Variants in MSH6 observed in about 807,000 individuals in gnomAD.
The protein encoded by MSH6 is mutS homolog 6.
MSH6 carries 85 observed loss-of-function variants against 119.1 expected under a neutral mutation model. The ratio of observed to expected loss-of-function variants is 0.71; its 90% CI spans 0.60 to 0.85. The LOEUF (loss-of-function observed/expected upper bound fraction) is 0.85, where lower values mean the gene tolerates loss of function less well. Among genes scored for constraint, MSH6 ranks in the 40% least tolerant of loss-of-function variants. MSH6 has a pLI of 0.00. For missense variants in MSH6, 2,163 were observed against 1,655.3 expected (o/e 1.31, Z -5.32); for synonymous variants, 830 against 586.9 (o/e 1.41, Z -5.99).
intron 1 of MSH6, among the ~76,000 whole-genome samples, chr2:47,785,215 C>T (rs1209357918): frequency 6.6e-6 from 1 of 151,598 alleles, no homozygotes; most frequent in African/African-American, 2.4e-5. Context: ...AAGATAAGAG[C>T]CAGTTCGTGT....
intron 9 of MSH6, 34 bp from the exon 10 acceptor site, chr2:47,806,743 CAA>C: frequency 1.4e-6 from 2 of 1,389,274 alleles, no homozygotes; most frequent in Non-Finnish European, 2.0e-6. Flanking sequence ...TATGAAAAAA[CAA>C]AAAAACTTTT....
Position 47,788,906 on chromosome 2 carries a change from C to CTTTTTTTTTTTTTTTTTTTTTTTTTT in MSH6, c.261-2021_261-2020insTTTTTTTTTTTTTTTTTTTTTTTTTT, listed in dbSNP as rs1491155839. On this transcript the variant is annotated intron_variant, in intron 1 of 9. Transcript: ENST00000234420. ...GCTATTTCTTTCTTTCTTTCTTCTT[C>CTTTTTTTTTTTTTTTTTTTTTTTTTT]CTTTTTTTTTTTTTTGTTTTTTTTT... Among the ~76,000 whole-genome samples, 16 of 15,836 alleles carry CTTTTTTTTTTTTTTTTTTTTTTTTTT rather than the reference C, an allele frequency of 1.0e-3. 3 individuals carry two copies. Among genetic ancestry groups the CTTTTTTTTTTTTTTTTTTTTTTTTTT allele is most frequent in the South Asian group, 4.1e-3 (2 of 486 alleles). 10.4% of individuals were successfully genotyped at this position (15,836 alleles called of 152,430 possible).
chr2:47,802,946 C>A (rs3136345), intron 4 of MSH6, among the ~76,000 whole-genome samples: 2 of 152,252 alleles, frequency 1.3e-5, no homozygotes, highest in South Asian at 2.1e-4. Flanking sequence ...CAGAGTCTCT[C>A]TGTCGCCCAG....
chr2:47,793,884 C>A (rs887077865), intron 2 of MSH6, among the ~76,000 whole-genome samples: 12 of 151,786 alleles, frequency 7.9e-5, no homozygotes, highest in Non-Finnish European at 1.6e-4. Flanking sequence ...GCGCCCACCA[C>A]CAGGCCCAGC....
At position 47,785,562 on chromosome 2, in the gene MSH6, C is replaced by CCA. The variant is rs1668301637; in HGVS notation, c.260+2070_260+2071dup. On this transcript the variant is annotated intron_variant, in intron 1 of 9. Coordinates refer to ENST00000234420, the MANE Select transcript of MSH6 (RefSeq NM_000179.3). Reference sequence around the variant, plus strand: ...TAATGGATTTCAAATCCATTTAAATCCAGTTTAAAGTGTCCTAAAGGAATT... The same window carrying CCA: ...TAATGGATTTCAAATCCATTTAAATCCACAGTTTAAAGTGTCCTAAAGGAATT... Among the ~76,000 whole-genome samples the CCA allele has an allele frequency of 2.0e-5, 3 of 152,300 alleles. No homozygotes were observed. In the South Asian group the frequency reaches 6.2e-4, roughly 32 times the overall value.
At position 47,801,090 on chromosome 2, in the gene MSH6, T is replaced by G. The variant is rs748211741; in HGVS notation, c.3107T>G (p.Leu1036Arg). ...TCATTGAAGGACTGCATGCGGCGACTGTTCTATAACTTTGATAAAAATTAC... is the reference window on the plus strand; with the variant it reads ...TCATTGAAGGACTGCATGCGGCGACGGTTCTATAACTTTGATAAAAATTAC... ...DVSLKDCMRRLFYNFDKNYKD... is the reference protein window; with the variant it reads ...DVSLKDCMRRRFYNFDKNYKD... Residue 1036 changes from leucine (L) to arginine (R), a missense_variant, in exon 4 of 10, where the codon CTG (leucine) becomes CGG (arginine). Physicochemically the swap from Leu to Arg is moderately radical, Grantham distance 102. Transcript: ENST00000234420. The G allele has an allele frequency of 2.5e-6, 4 of 1,611,374 alleles. No individual in the cohort carries two copies. Among genetic ancestry groups the G allele is most frequent in the Admixed American group, 1.7e-5 (1 of 59,336 alleles).
intron 1 of MSH6, among the ~76,000 whole-genome samples, chr2:47,787,955 A>T (rs1221756383): frequency 1.3e-5 from 2 of 152,198 alleles, no homozygotes; most frequent in African/African-American, 4.8e-5. Flanking sequence ...ATAAAATTTT[A>T]AAATTACCTT....
chr2:47,806,328 T>A lies in MSH6; in HGVS notation c.3771T>A (p.Ser1257=), dbSNP rs2104545282. The A allele has an allele frequency of 6.2e-7, 1 of 1,614,182 alleles. No individual in the cohort carries two copies. The highest frequency in any genetic ancestry group is 8.5e-7 in the Non-Finnish European group (1 of 1,180,024). The change falls in exon 8 of 10, where the codon TCT becomes TCA. Residue 1257 remains serine (S), a synonymous_variant. Transcript: ENST00000234420. ...THYHSLVEDY[S]QNVAVRLGHM... ...ACCATTCATTAGTAGAAGATTATTC[T>A]CAAAATGTTGCTGTGCGCCTAGGAC... is the stretch of plus-strand genomic sequence containing the variant.
chr2:47,784,148 G>T (rs1366683634), intron 1 of MSH6: 2 of 1,000,490 alleles, frequency 2.0e-6, no homozygotes, highest in African/African-American at 3.8e-5. Context: ...TGCGAGCGCG[G>T]GGGGGTGTGT....
At chr2:47,796,156 A>G in intron 3 of MSH6, 93 bp downstream of exon 3, 4 of 1,241,806 alleles carry the variant, frequency 3.2e-6, no homozygotes, top group Non-Finnish European at 2.3e-6. Flanking sequence ...TGTTTTATAT[A>G]TGTGTGTGTA....
At chr2:47,809,280 AAGAAT>A, downstream of MSH6, 1 of 1,462,196 alleles carries the variant, frequency 6.8e-7, no homozygotes, top group Non-Finnish European at 9.4e-7. Flanking sequence ...TAATAAAAGA[AAGAAT>A]AAGTAAAAAT....
chr2:47,809,703 A>C, downstream of MSH6: 1 of 1,609,298 alleles, frequency 6.2e-7, no homozygotes, highest in Non-Finnish European at 8.5e-7. Context: ...TTGTAATTTC[A>C]ATACCTGAAG....
Position 47,798,720 on chromosome 2 carries a change from A to G in MSH6, c.737A>G (p.Lys246Arg), listed in dbSNP as rs1297205425. 1.2e-6 allele frequency: 2 copies of G among 1,614,100 alleles called. No individual in the cohort carries two copies. Among genetic ancestry groups the G allele is most frequent in the Non-Finnish European group, 1.7e-6 (2 of 1,180,046 alleles). ...TCTAGGCGAAGTAGCCGCCAAATAA[A>G]AAAACGAAGGGTCATATCAGATTCT... ...QGSRRSSRQI[K>R]KRRVISDSES... Residue 246 changes from lysine to arginine, a missense_variant, in exon 4 of 10, where the codon AAA becomes AGA. Lys to Arg is a conservative substitution (Grantham distance 26). Coordinates refer to ENST00000234420, the MANE Select transcript of MSH6 (RefSeq NM_000179.3).
At position 47,806,746 on chromosome 2, in the gene MSH6, A is replaced by G. The variant is rs200652436; in HGVS notation, c.4002-33A>G. On this transcript the variant is annotated intron_variant, in intron 9 of 9. Transcript: ENST00000234420. ...GGGATGATGCACTATGAAAAAACAA[A>G]AAAACTTTTTTTTTTTTTTTTTTAA... 1.5e-5 allele frequency: 23 copies of G among 1,524,960 alleles called. No homozygotes were observed. In the South Asian group the frequency reaches 2.5e-4, roughly 17 times the overall value. 94.5% of individuals were successfully genotyped at this position (1,524,960 alleles called of 1,614,324 possible). A position where few individuals can be genotyped will look rare whatever the true frequency, so the allele number is the denominator to read the frequency against.
intron 1 of MSH6, among the ~76,000 whole-genome samples, chr2:47,785,305 G>A (rs1340177170): frequency 6.6e-6 from 1 of 152,090 alleles, no homozygotes; most frequent in African/African-American, 2.4e-5. Flanking sequence ...TCGGCTCACT[G>A]CAACCTCTGC....
chr2:47,792,828 C>A (rs1044655996), intron 2 of MSH6, among the ~76,000 whole-genome samples: 1 of 150,400 alleles, frequency 6.6e-6, no homozygotes. Context: ...GCCACCACAC[C>A]TGGCTAATTT....
chr2:47,799,825 C>G lies in MSH6; in HGVS notation c.1842C>G (p.Ser614=), dbSNP rs1057523520. The change falls in exon 4 of 10, where the codon TCC becomes TCG. Residue 614 remains serine, a synonymous_variant. Coordinates refer to ENST00000234420, the MANE Select transcript of MSH6 (RefSeq NM_000179.3). The stretch of plus-strand genomic sequence containing the variant: ...AAACAATTCTAAAGAGTTCATTGTC[C>G]TGTTCTCTTCAGGAAGGTCTGATAC... The part of the protein sequence containing the change: ...ETKTILKSSL[S]CSLQEGLIPG... 2 of 1,614,186 alleles carry G rather than the reference C, an allele frequency of 1.2e-6. No individual in the cohort carries two copies. The highest frequency in any genetic ancestry group is 1.6e-4 in the Middle Eastern group (1 of 6,062).
In MSH6 at chr2:47,799,773, A is replaced by G. The variant is rs1553413180; in HGVS notation, c.1790A>G (p.Glu597Gly). Residue 597 changes from glutamate to glycine, a missense_variant, in exon 4 of 10, where the codon GAA becomes GGA. Glu to Gly is a moderately conservative substitution (Grantham distance 98, BLOSUM62 -2). Transcript: ENST00000234420. ...AHYPPVQVLF[E>G]KGNLSKETKT... ...TATCCCCCAGTACAAGTTTTATTTG[A>G]AAAAGGAAATCTCTCAAAGGAAACT... The G allele has an allele frequency of 1.9e-6, 3 of 1,614,238 alleles. No homozygotes were observed. The East Asian group carries it at 6.7e-5, about 36-fold the overall frequency.
Position 47,806,434 on chromosome 2 carries a change from ATAT to A in MSH6, c.3802-16_3802-14del. ...TCTCTTGCTAGCACATGTATCGCTA[ATAT>A]TTTTCTTTCTTAAGGCATGCATGGT... On this transcript the variant is annotated splice_polypyrimidine_tract_variant and intron_variant, in intron 8 of 9. Coordinates refer to ENST00000234420, the MANE Select transcript of MSH6 (RefSeq NM_000179.3). 1 of 1,614,004 alleles carries A rather than the reference ATAT, an allele frequency of 6.2e-7. No individual in the cohort carries two copies. Among genetic ancestry groups the A allele is most frequent in the Non-Finnish European group, 8.5e-7 (1 of 1,179,938 alleles).
Sources: gnomAD v4.1 joint callset for allele counts (sites outside exome capture counted in the v4.1 genomes callset) on GRCh38, gnomAD v4.1.1 for gene constraint, MANE v1.5 for transcripts, NCBI Gene and HGNC (gene_info 2026-07-23, HGNC 2026-07-21) for gene names.